The following GPHN variants were observed in gnomAD, a reference collection of about 807,000 sequenced individuals.
The protein encoded by GPHN is gephyrin.
GPHN carries 17 observed loss-of-function variants against 95.5 expected under a neutral mutation model. The observed-to-expected ratio is 0.18, with a 90% CI of 0.12 to 0.27. The LOEUF (loss-of-function observed/expected upper bound fraction) is 0.27, where lower values mean the gene tolerates loss of function less well. Among genes scored for constraint, GPHN ranks in the 10% least tolerant of loss-of-function variants. The probability of loss-of-function intolerance (pLI) is 1.00; values close to 1 mark genes in which losing one functional copy is unlikely to be tolerated. For synonymous variants in GPHN, 320 were observed against 322.5 expected, an observed-to-expected ratio of 0.99 and a Z score of 0.08; for missense variants, 660 against 978.1, an observed-to-expected ratio of 0.67 and a Z score of 4.34.
intron 2 of GPHN, among the ~76,000 whole-genome samples, chr14:66,765,184 G>C (rs2058917085): frequency 6.6e-6 from 1 of 152,152 alleles, no homozygotes; most frequent in African/African-American, 2.4e-5. Context: ...TGACAAGGTT[G>C]CACAGAAAAG....
chr14:67,207,668 A>T, the GPHN span, among the ~76,000 whole-genome samples: 275 of 152,330 alleles, frequency 1.8e-3, no homozygotes, highest in Non-Finnish European at 2.0e-3. Context: ...AGTGATTCTG[A>T]GCGAATCAGA....
At chr14:66,511,821 C>T (rs1342749899) in intron 1 of GPHN, among the ~76,000 whole-genome samples, 1 of 151,862 alleles carries the variant, frequency 6.6e-6, no homozygotes, top group African/African-American at 2.4e-5. Context: ...ATTAATGTAA[C>T]ATGGATATTC....
At chr14:67,317,495 A>G in the GPHN span, 5 of 1,561,104 alleles carry the variant, frequency 3.2e-6, no homozygotes, top group Non-Finnish European at 4.4e-6. Context: ...TTCTACTCTC[A>G]GGGATAGGTG....
the GPHN span, among the ~76,000 whole-genome samples, chr14:67,624,330 C>A: frequency 6.6e-6 from 1 of 152,050 alleles, no homozygotes; most frequent in East Asian, 1.9e-4. Flanking sequence ...GGCATAGGAC[C>A]TCCAAAAAAG....
At chr14:66,852,505 T>C (rs2062630840) in intron 4 of GPHN, among the ~76,000 whole-genome samples, 2 of 152,296 alleles carry the variant, frequency 1.3e-5, no homozygotes, top group Admixed American at 1.3e-4. Flanking sequence ...AGAAGAAAAG[T>C]GTCTTAAGCA....
the GPHN span, among the ~76,000 whole-genome samples, chr14:67,559,406 G>A: frequency 6.6e-6 from 1 of 152,130 alleles, no homozygotes; most frequent in African/African-American, 2.4e-5. Context: ...CCCCTTCGTG[G>A]TGAACACTTA....
the GPHN span, among the ~76,000 whole-genome samples, chr14:67,639,026 A>T: frequency 2.7e-5 from 4 of 150,862 alleles, no homozygotes; most frequent in African/African-American, 1.0e-4. Context: ...TAATCTGATG[A>T]ACCCCCGACA....
chr14:66,632,048 T>G (rs2063835789), intron 1 of GPHN, among the ~76,000 whole-genome samples: 1 of 152,206 alleles, frequency 6.6e-6, no homozygotes, highest in Admixed American at 6.5e-5. Flanking sequence ...GTCAATAAAA[T>G]AAATGTTTGT....
intron 2 of GPHN, among the ~76,000 whole-genome samples, chr14:66,720,293 C>A (rs1031204841): frequency 5.8e-4 from 88 of 152,114 alleles, no homozygotes; most frequent in African/African-American, 2.1e-3. Flanking sequence ...GCAGCTCACT[C>A]CTGTAATCCC....
intron 9 of GPHN, among the ~76,000 whole-genome samples, chr14:67,011,078 T>G (rs2072972198): frequency 6.6e-6 from 1 of 152,162 alleles, no homozygotes; most frequent in African/African-American, 2.4e-5. Context: ...ATAGTTCCCA[T>G]TATTTAATGA....
intron 10 of GPHN, among the ~76,000 whole-genome samples, chr14:67,044,141 A>G (rs1009725906): frequency 6.6e-6 from 1 of 152,128 alleles, no homozygotes; most frequent in Non-Finnish European, 1.5e-5. Context: ...GTTTGAAACC[A>G]GCCTGGCCAA....
chr14:66,878,155 G>A (rs1406100822), intron 4 of GPHN, among the ~76,000 whole-genome samples: 2 of 152,116 alleles, frequency 1.3e-5, no homozygotes, highest in Non-Finnish European at 1.5e-5. Flanking sequence ...ATGGTATTGG[G>A]AAAACTGGCT....
At chr14:67,334,297 A>C in the GPHN span, 1 of 152,632 alleles carries the variant, frequency 6.6e-6, no homozygotes, top group African/African-American at 2.4e-5. Flanking sequence ...TTAAAATTCA[A>C]CGTATATAAT....
the GPHN span, among the ~76,000 whole-genome samples, chr14:67,240,430 C>T: frequency 5.9e-5 from 9 of 152,292 alleles, no homozygotes; most frequent in South Asian, 1.9e-3. Context: ...TATACGAAGG[C>T]TTTGAGGGAG....
chr14:67,189,497 G>A, the GPHN span: 4 of 152,180 alleles, frequency 2.6e-5, no homozygotes, highest in Non-Finnish European at 5.9e-5. Context: ...GAGTGGAAAC[G>A]TGCTATTTGG....
At chr14:67,397,896 T>G in the GPHN span, 1 of 1,304,842 alleles carries the variant, frequency 7.7e-7, no homozygotes, top group Non-Finnish European at 1.1e-6. Flanking sequence ...GGAGGGGGTG[T>G]CTGGTGGCAC....
chr14:67,168,861 A>G, intron 20 of GPHN, 72 bp from the exon 21 acceptor site: 5 of 977,752 alleles, frequency 5.1e-6, no homozygotes, highest in Non-Finnish European at 8.3e-6. Flanking sequence ...ATACCCAAAG[A>G]TATAGACAGA....
chr14:66,811,892 C>G (rs542148600), intron 3 of GPHN, among the ~76,000 whole-genome samples: 5 of 152,300 alleles, frequency 3.3e-5, no homozygotes, highest in Non-Finnish European at 7.4e-5. Flanking sequence ...CTAAACCAAA[C>G]AAAGAAACAA....
chr14:66,576,977 C>T (rs1165064206), intron 1 of GPHN, among the ~76,000 whole-genome samples: 1 of 152,088 alleles, frequency 6.6e-6, no homozygotes, highest in Non-Finnish European at 1.5e-5. Flanking sequence ...ATGTCTGTGT[C>T]ATTTACTTTT....
Sources: gnomAD v4.1 joint callset for allele counts (sites outside exome capture counted in the v4.1 genomes callset) on GRCh38, gnomAD v4.1.1 for gene constraint, MANE v1.5 for transcripts, NCBI Gene and HGNC (gene_info 2026-07-23, HGNC 2026-07-21) for gene names.